PAN3: variants seen among roughly 807,000 people sequenced by gnomAD.
PAN3 encodes poly(A) specific ribonuclease subunit PAN3, also known as PAN2-PAN3 deadenylation complex subunit PAN3.
PAN3 carries 19 observed loss-of-function variants against 96.2 expected under a neutral mutation model. That is an observed-to-expected ratio of 0.20 (90% confidence interval 0.14 to 0.29). PAN3 has a LOEUF of 0.29. Among genes scored for constraint, PAN3 ranks in the 10% least tolerant of loss-of-function variants. PAN3 has a pLI of 1.00. For missense variants in PAN3, 882 were observed against 1,108.1 expected (o/e 0.80, Z 2.90); for synonymous variants, 433 against 406.6 (o/e 1.06, Z -0.78).
intron 1 of PAN3, among the ~76,000 whole-genome samples, chr13:28,167,597 G>T (rs1283708604): frequency 1.3e-5 from 2 of 150,708 alleles, no homozygotes; most frequent in Non-Finnish European, 2.9e-5. Context: ...AGCACTTTGG[G>T]AGGCTGAAGC....
intron 1 of PAN3, among the ~76,000 whole-genome samples, chr13:28,161,235 A>T (rs1477918470): frequency 6.6e-6 from 1 of 152,034 alleles, no homozygotes; most frequent in Non-Finnish European, 1.5e-5. Flanking sequence ...TTATTGTCTC[A>T]GGTTTGGAGG....
chr13:28,185,716 C>G (rs1876371792), intron 4 of PAN3, among the ~76,000 whole-genome samples: 2 of 152,026 alleles, frequency 1.3e-5, no homozygotes, highest in Non-Finnish European at 1.5e-5. Flanking sequence ...ATACTGTTGG[C>G]TGTACTCATC....
chr13:28,278,873 A>G (rs1039814039), intron 15 of PAN3, among the ~76,000 whole-genome samples: 8 of 152,102 alleles, frequency 5.3e-5, no homozygotes, highest in Non-Finnish European at 1.2e-4. Context: ...GTTTATTCAC[A>G]TGGGTATAGC....
chr13:28,155,365 G>A lies in PAN3; in HGVS notation c.430+16278G>A, dbSNP rs563408526. On this transcript the variant is annotated intron_variant, in intron 1 of 18. Transcript: ENST00000380958. ...AGCACTTCGGGAGGCCGAGGCGGGT[G>A]AATCACTTGAGGTCAGGAGTTTGAG... Among the ~76,000 whole-genome samples, 503 of 152,208 alleles carry A rather than the reference G, an allele frequency of 3.3e-3. 1 individual carries two copies. Among genetic ancestry groups the A allele is most frequent in the African/African-American group, 0.012 (478 of 41,564 alleles).
In PAN3 at chr13:28,197,202, G is replaced by C. The variant is rs762287056; in HGVS notation, c.708G>C (p.Leu236=). ...TTTCCTAGCCAAGGAAGTATCGCCT[G>C]GGGATGCTGGAGGAGAGGCTAGTTC... ...SQRRKPRKYR[L]GMLEERLVPM... Residue 236 remains leucine, a synonymous_variant, in exon 5 of 19, where the codon CTG becomes CTC. Coordinates refer to ENST00000380958, the MANE Select transcript of PAN3 (RefSeq NM_175854.8). The C allele has an allele frequency of 1.2e-6, 2 of 1,612,994 alleles. No individual in the cohort carries two copies. The highest frequency in any genetic ancestry group is 1.7e-6 in the Non-Finnish European group (2 of 1,179,486).
chr13:28,238,952 T>C (rs1883352652), intron 6 of PAN3, among the ~76,000 whole-genome samples: 1 of 152,148 alleles, frequency 6.6e-6, no homozygotes, highest in African/African-American at 2.4e-5. Flanking sequence ...AAGCCACTAT[T>C]TGAGGTCTTG....
At chr13:28,140,744 G>A (rs1869654259) in intron 1 of PAN3, among the ~76,000 whole-genome samples, 1 of 152,038 alleles carries the variant, frequency 6.6e-6, no homozygotes, top group Non-Finnish European at 1.5e-5. Context: ...TTATAGAAGT[G>A]TTTCATTTGT....
intron 5 of PAN3, among the ~76,000 whole-genome samples, chr13:28,199,478 T>C (rs888709223): frequency 1.3e-5 from 2 of 152,164 alleles, no homozygotes; most frequent in African/African-American, 4.8e-5. Context: ...ATACTTCAGG[T>C]AGTTCTTTTC....
At chr13:28,193,686 T>A (rs1877572444) in intron 4 of PAN3, among the ~76,000 whole-genome samples, 1 of 138,502 alleles carries the variant, frequency 7.2e-6, no homozygotes, top group South Asian at 2.2e-4. Flanking sequence ...GAGATTGCAG[T>A]GAGCTGAGAT....
intron 14 of PAN3, among the ~76,000 whole-genome samples, chr13:28,274,098 C>CA (rs1886860580): frequency 6.6e-6 from 1 of 152,176 alleles, no homozygotes; most frequent in African/African-American, 2.4e-5. Context: ...CACCTAACCT[C>CA]AGCAGCAGCC....
Position 28,174,365 on chromosome 13 carries a change from C to T in PAN3, c.524C>T (p.Pro175Leu), listed in dbSNP as rs1874686715. The T allele has an allele frequency of 2.5e-6, 4 of 1,613,290 alleles. No individual in the cohort carries two copies. The highest frequency in any genetic ancestry group is 3.4e-6 in the Non-Finnish European group (4 of 1,179,400). ...SFIGVNGFGS[P>L]VETKYPLMQR... ...ATTGGAGTCAATGGATTTGGAAGCC[C>T]TGTAGAAACAAAATATCCCCTGATG... The change falls in exon 2 of 19, where the codon CCT (proline) becomes CTT (leucine). Residue 175 changes from proline to leucine, a missense_variant. By Grantham distance (98) the Pro-to-Leu change is moderately conservative. Around this residue, in one of 3 missense-constraint regions of PAN3, gnomAD observed 442 missense variants for 422.8 expected, o/e 1.05. Coordinates refer to ENST00000380958, the MANE Select transcript of PAN3 (RefSeq NM_175854.8).
intron 1 of PAN3, among the ~76,000 whole-genome samples, chr13:28,173,878 T>A (rs756805078): frequency 6.6e-6 from 1 of 152,184 alleles, no homozygotes; most frequent in Non-Finnish European, 1.5e-5. Flanking sequence ...TTTCAAAAGA[T>A]GTGTTTTGAG....
At chr13:28,157,420 ACTATCT>A (rs1872336758) in intron 1 of PAN3, among the ~76,000 whole-genome samples, 1 of 152,196 alleles carries the variant, frequency 6.6e-6, no homozygotes, top group African/African-American at 2.4e-5. Flanking sequence ...AGGAAGTCAA[ACTATCT>A]CTGTATATGA....
intron 5 of PAN3, among the ~76,000 whole-genome samples, chr13:28,201,876 A>G (rs185019724): frequency 2.0e-5 from 3 of 152,242 alleles, no homozygotes; most frequent in Admixed American, 6.5e-5. Flanking sequence ...CATGTGGGTA[A>G]ATATGCCACT....
chr13:28,290,557 T>C (rs1869628847), intron 18 of PAN3, among the ~76,000 whole-genome samples: 1 of 152,102 alleles, frequency 6.6e-6, no homozygotes, highest in Non-Finnish European at 1.5e-5. Flanking sequence ...GGTACATGCC[T>C]GTAATCCCAG....
rs1049872353 is a variant in PAN3 at position 28,192,199 on chromosome 13, C to T, written c.691-4986C>T. On this transcript the variant is annotated intron_variant, in intron 4 of 18. Coordinates refer to ENST00000380958, the MANE Select transcript of PAN3 (RefSeq NM_175854.8). ...ATTCTCCTGCCTCAGCCTCCTGAGT[C>T]GCTGGGATTACAGGCGCCTGCCACC... 2.0e-5 allele frequency among the ~76,000 whole-genome samples: 3 copies of T among 151,670 alleles called. No individual in the cohort carries two copies. In the East Asian group the frequency reaches 5.8e-4, roughly 29 times the overall value.
intron 4 of PAN3, among the ~76,000 whole-genome samples, chr13:28,190,914 C>T (rs1033610460): frequency 2.0e-5 from 3 of 152,178 alleles, no homozygotes; most frequent in Admixed American, 6.5e-5. Context: ...TTAACTTACA[C>T]GTGTGGAGCA....
At chr13:28,263,877 A>C (rs1005346204) in intron 9 of PAN3, among the ~76,000 whole-genome samples, 1 of 152,176 alleles carries the variant, frequency 6.6e-6, no homozygotes, top group Non-Finnish European at 1.5e-5. Context: ...TTCTCTTTCA[A>C]ATATCCATGA....
intron 14 of PAN3, among the ~76,000 whole-genome samples, chr13:28,274,467 G>GT (rs1389952067): frequency 6.7e-6 from 1 of 150,290 alleles, no homozygotes; most frequent in African/African-American, 2.5e-5. Flanking sequence ...ATCTTCTAAT[G>GT]TAAGTATCTA....
Sources: allele counts gnomAD v4.1 joint callset (sites outside exome capture counted in the v4.1 genomes callset), GRCh38; gene constraint gnomAD v4.1.1; regional missense constraint gnomAD v4.1.1; transcripts MANE v1.5; gene names NCBI Gene and HGNC (gene_info 2026-07-23, HGNC 2026-07-21).